Variants in PRELID2 observed in about 807,000 individuals in gnomAD.
PRELID2 encodes PRELI domain containing 2.
A neutral mutation model predicts 28.4 loss-of-function variants in PRELID2; 25 were observed. That is an observed-to-expected ratio of 0.88 (90% CI 0.64 to 1.23). The LOEUF (loss-of-function observed/expected upper bound fraction) is 1.23. Ranked by LOEUF, PRELID2 falls within the 50% of genes most tolerant of loss-of-function variation. PRELID2 has a pLI of 0.00. For missense variants in PRELID2, 201 were observed against 214.4 expected (o/e 0.94, Z 0.39); for synonymous variants, 76 against 71.6 (o/e 1.06, Z -0.31).
chr5:145,274,212 T>TA, the PRELID2 span, among the ~76,000 whole-genome samples: 3 of 152,206 alleles, frequency 2.0e-5, no homozygotes, highest in African/African-American at 7.2e-5. Context: ...CTTCTGTGAC[T>TA]ATTAAAGGCT....
In PRELID2 at chr5:145,757,421, T is replaced by C. The variant is rs1757291031; in HGVS notation, c.*3115A>G. On this transcript the variant is annotated 3_prime_UTR_variant, in exon 7 of 7. Transcript: ENST00000683046. ...GACTGAGAACCTGCACGTTAGCACG[T>C]TGCCCCAAAGATTTCTGGTACATGT... Among the ~76,000 whole-genome samples, 1 of 152,168 alleles carries C rather than the reference T, an allele frequency of 6.6e-6. No individual in the cohort carries two copies. Among genetic ancestry groups the C allele is most frequent in the Non-Finnish European group, 1.5e-5 (1 of 68,036 alleles).
At chr5:145,742,036 T>C (rs1178436166) in intron 1 of PRELID2, among the ~76,000 whole-genome samples, 21 of 127,942 alleles carry the variant, frequency 1.6e-4, no homozygotes, top group African/African-American at 6.1e-4. Flanking sequence ...ATTTATTCAT[T>C]AATAATAAAT....
rs745309247 is a variant in PRELID2 at position 145,627,097 on chromosome 5, C to CAAAAAAAAAAAAAA, written n.70+137820_70+137833dup. Among the ~76,000 whole-genome samples, 9 of 41,826 alleles carry CAAAAAAAAAAAAAA rather than the reference C, an allele frequency of 2.2e-4. 2 individuals carry two copies. The highest frequency in any genetic ancestry group is 1.9e-3 in the East Asian group (2 of 1,068). 27.4% of individuals were successfully genotyped at this position (41,826 alleles called of 152,430 possible). A position where few individuals can be genotyped will look rare whatever the true frequency, so the allele number is the denominator to read the frequency against. On this transcript the variant is annotated intron_variant and non_coding_transcript_variant, in intron 1 of 2. Transcript: ENST00000510259. ...CCTGGGTGACAGAGTAAGACTCTCC[C>CAAAAAAAAAAAAAA]AAAAAAAAAAAAAAAAAAAAAAAAA...
chr5:145,641,889 C>T (rs1045176110), intron 1 of PRELID2, among the ~76,000 whole-genome samples: 25 of 152,180 alleles, frequency 1.6e-4, no homozygotes, highest in African/African-American at 5.8e-4. Context: ...GAGTATGTGC[C>T]ACATTTTCTT....
At chr5:145,478,788 T>A (rs1752130607) in intron 1 of PRELID2, among the ~76,000 whole-genome samples, 1 of 152,206 alleles carries the variant, frequency 6.6e-6, no homozygotes, top group Non-Finnish European at 1.5e-5. Flanking sequence ...ATTCGATAAC[T>A]ATTTTACCCA....
chr5:145,247,847 A>G, the PRELID2 span, among the ~76,000 whole-genome samples: 1 of 152,126 alleles, frequency 6.6e-6, no homozygotes, highest in Non-Finnish European at 1.5e-5. Context: ...AGTTCAGATT[A>G]GTCACTCAGT....
intron 1 of PRELID2, among the ~76,000 whole-genome samples, chr5:145,724,593 G>GTAAATAAA (rs1262175009): frequency 9.9e-4 from 13 of 13,124 alleles, no homozygotes; most frequent in African/African-American, 2.8e-3. Flanking sequence ...ATAACAAGAA[G>GTAAATAAA]TAAATAAATA....
At chr5:145,820,061 G>T in intron 2 of PRELID2, 43 bp from the exon 3 acceptor site, 1 of 1,188,116 alleles carries the variant, frequency 8.4e-7, no homozygotes, top group Admixed American at 2.1e-5. Flanking sequence ...TTAAAGAAAT[G>T]TGTTCTTTTC....
At chr5:145,741,969 A>AATTT (rs1161748403) in intron 1 of PRELID2, among the ~76,000 whole-genome samples, 1 of 55,042 alleles carries the variant, frequency 1.8e-5, no homozygotes, top group African/African-American at 5.9e-5. Flanking sequence ...TAAATAAATA[A>AATTT]ATTTATTTAA....
intron 1 of PRELID2, among the ~76,000 whole-genome samples, chr5:145,620,381 A>G (rs1753757621): frequency 6.6e-6 from 1 of 152,166 alleles, no homozygotes; most frequent in South Asian, 2.1e-4. Flanking sequence ...AGTTAACCCT[A>G]ATGTAAACTT....
intron 1 of PRELID2, among the ~76,000 whole-genome samples, chr5:145,710,097 G>A (rs540110535): frequency 1.3e-5 from 2 of 152,228 alleles, no homozygotes; most frequent in East Asian, 3.9e-4. Flanking sequence ...CTAATCCAAA[G>A]GAACTTTTTC....
chr5:145,761,673 C>G (rs1162860741), intron 6 of PRELID2, among the ~76,000 whole-genome samples: 1 of 152,180 alleles, frequency 6.6e-6, no homozygotes, highest in African/African-American at 2.4e-5. Flanking sequence ...CTATTCAACT[C>G]TGCAGTTGTA....
the PRELID2 span, among the ~76,000 whole-genome samples, chr5:145,337,735 A>T: frequency 2.8e-3 from 11 of 3,984 alleles, no homozygotes; most frequent in South Asian, 0.018. Flanking sequence ...ATATATACTC[A>T]CACACACACA....
At chr5:145,598,559 C>T (rs1046318913) in intron 1 of PRELID2, among the ~76,000 whole-genome samples, 2 of 152,110 alleles carry the variant, frequency 1.3e-5, no homozygotes, top group Non-Finnish European at 2.9e-5. Context: ...TAAAAGAATA[C>T]GTAATTTTGG....
the PRELID2 span, among the ~76,000 whole-genome samples, chr5:145,411,423 T>C: frequency 6.6e-6 from 1 of 152,164 alleles, no homozygotes; most frequent in Non-Finnish European, 1.5e-5. Flanking sequence ...TCAAACAATA[T>C]CTGTCATTAA....
At chr5:145,600,359 G>A (rs1342805923) in intron 1 of PRELID2, among the ~76,000 whole-genome samples, 3 of 149,184 alleles carry the variant, frequency 2.0e-5, no homozygotes, top group Admixed American at 2.0e-4. Context: ...GAAAATCTCT[G>A]CTGACACCAG....
At chr5:145,370,238 G>GT in the PRELID2 span, among the ~76,000 whole-genome samples, 2 of 151,954 alleles carry the variant, frequency 1.3e-5, no homozygotes, top group Admixed American at 6.6e-5. Flanking sequence ...TCCTTCTAGG[G>GT]TTTTTTTAGT....
the PRELID2 span, among the ~76,000 whole-genome samples, chr5:145,462,180 C>T: frequency 6.6e-6 from 1 of 152,130 alleles, no homozygotes; most frequent in African/African-American, 2.4e-5. Flanking sequence ...ACAGAGAGCA[C>T]TGATACAATA....
At chr5:145,374,831 C>T in the PRELID2 span, among the ~76,000 whole-genome samples, 1 of 152,152 alleles carries the variant, frequency 6.6e-6, no homozygotes, top group Non-Finnish European at 1.5e-5. Context: ...TCAGCTCCAT[C>T]AGGTCATTTA....
Sources: gnomAD v4.1 joint callset for allele counts (sites outside exome capture counted in the v4.1 genomes callset) on GRCh38, gnomAD v4.1.1 for gene constraint, MANE v1.5 for transcripts, NCBI Gene and HGNC (gene_info 2026-07-23, HGNC 2026-07-21) for gene names.